Variants in DYNC1I1 observed in about 807,000 individuals in gnomAD.
DYNC1I1 encodes dynein cytoplasmic 1 intermediate chain 1.
DYNC1I1 carries 43 observed loss-of-function variants against 86.6 expected under a neutral mutation model. The observed-to-expected ratio is 0.50, with a 90% CI of 0.39 to 0.64. DYNC1I1 has a LOEUF of 0.64. DYNC1I1 is among the 30% of genes least tolerant of loss of function. DYNC1I1 has a pLI of 0.00. For missense variants in DYNC1I1, 604 were observed against 788.8 expected (o/e 0.77, Z 2.81); for synonymous variants, 262 against 283.7 (o/e 0.92, Z 0.77).
At chr7:95,797,604 G>T (rs182247691) in intron 1 of DYNC1I1, among the ~76,000 whole-genome samples, 1 of 152,148 alleles carries the variant, frequency 6.6e-6, no homozygotes, top group African/African-American at 2.4e-5. Context: ...TCGATTCAAC[G>T]TTTAGGATAG....
chr7:96,054,920 G>C (rs1464313850), intron 14 of DYNC1I1, among the ~76,000 whole-genome samples: 1 of 152,108 alleles, frequency 6.6e-6, no homozygotes, highest in Admixed American at 6.6e-5. Context: ...TAGGCTGCCT[G>C]TTCACTCTGA....
chr7:95,884,367 A>G lies in DYNC1I1; in HGVS notation c.490+14369A>G, dbSNP rs578135153. Among the ~76,000 whole-genome samples, 318 of 152,128 alleles carry G rather than the reference A, an allele frequency of 2.1e-3. 1 individual carries two copies. The highest frequency in any genetic ancestry group is 7.2e-3 in the African/African-American group (297 of 41,494). The stretch of plus-strand genomic sequence containing the variant: ...GCTCACCTCAGCCTCTCAAAATGCT[A>G]GGATTACAGACATGAACCACTATGC... On this transcript the variant is annotated intron_variant, in intron 6 of 16. Coordinates refer to ENST00000447467, the MANE Select transcript of DYNC1I1 (RefSeq NM_001135556.2).
chr7:95,813,206 G>A, intron 3 of DYNC1I1, 41 bp from the exon 4 acceptor site: 1 of 1,610,706 alleles, frequency 6.2e-7, no homozygotes, highest in South Asian at 1.1e-5. Flanking sequence ...TGCAGCCGCT[G>A]CATTTTTTAA....
intron 6 of DYNC1I1, among the ~76,000 whole-genome samples, chr7:95,894,405 G>C (rs1323155961): frequency 6.6e-6 from 1 of 151,110 alleles, no homozygotes; most frequent in Non-Finnish European, 1.5e-5. Context: ...ATCTCCCAAA[G>C]GACCTACATC....
intron 13 of DYNC1I1, 127 bp downstream of exon 13, chr7:96,035,879 C>T: frequency 7.0e-7 from 1 of 1,435,620 alleles, no homozygotes; most frequent in Non-Finnish European, 9.5e-7. Context: ...ACGACTTCAA[C>T]TCTTCATTAT....
At chr7:95,899,949 G>C (rs1790992806) in intron 6 of DYNC1I1, among the ~76,000 whole-genome samples, 2 of 152,170 alleles carry the variant, frequency 1.3e-5, no homozygotes. Context: ...TGCAGAAATA[G>C]TGGTGAATAA....
downstream of DYNC1I1, among the ~76,000 whole-genome samples, chr7:96,100,368 C>CTTCCTTCCTTCT (rs1056971137): frequency 8.5e-5 from 12 of 141,294 alleles, no homozygotes; most frequent in African/African-American, 1.6e-4. Context: ...TCCTTCCTTC[C>CTTCCTTCCTTCT]TTCCTTCCTT....
chr7:96,064,424 C>A (rs1169192732), intron 14 of DYNC1I1, among the ~76,000 whole-genome samples: 1 of 152,158 alleles, frequency 6.6e-6, no homozygotes, highest in Non-Finnish European at 1.5e-5. Context: ...TACTATCCAA[C>A]TCACTAGTGG....
chr7:95,883,436 G>A (rs1430286888), intron 6 of DYNC1I1, among the ~76,000 whole-genome samples: 1 of 152,158 alleles, frequency 6.6e-6, no homozygotes, highest in Non-Finnish European at 1.5e-5. Context: ...CTTCTTGACT[G>A]AATAGAGTTT....
intron 10 of DYNC1I1, among the ~76,000 whole-genome samples, chr7:96,015,245 G>C (rs997095057): frequency 6.6e-6 from 1 of 151,784 alleles, no homozygotes; most frequent in East Asian, 1.9e-4. Flanking sequence ...ACATACATTG[G>C]GTGTACTCTA....
intron 1 of DYNC1I1, among the ~76,000 whole-genome samples, chr7:95,775,910 C>G (rs1023668361): frequency 3.9e-5 from 6 of 152,136 alleles, no homozygotes; most frequent in Non-Finnish European, 8.8e-5. Context: ...TCTCATTTTT[C>G]TTCTTTGCAA....
chr7:95,902,182 A>G lies in DYNC1I1; in HGVS notation c.490+32184A>G, dbSNP rs1003584641. 7.9e-5 allele frequency among the ~76,000 whole-genome samples: 12 copies of G among 152,178 alleles called. 1 individual carries two copies. The highest frequency in any genetic ancestry group is 6.5e-4 in the Admixed American group (10 of 15,270). ...CCCAAAAAATAATTGTTTTTGGTAT[A>G]TGAGCCCAGGAGATAATTGCATGCT... On this transcript the variant is annotated intron_variant, in intron 6 of 16. Coordinates refer to ENST00000447467, the MANE Select transcript of DYNC1I1 (RefSeq NM_001135556.2).
At chr7:95,961,178 C>A (rs1463742962) in intron 6 of DYNC1I1, among the ~76,000 whole-genome samples, 4 of 152,166 alleles carry the variant, frequency 2.6e-5, no homozygotes, top group Non-Finnish European at 5.9e-5. Context: ...GGAATTGGGG[C>A]TTCTCTTGGT....
chr7:95,987,403 T>C (rs1157932422), intron 9 of DYNC1I1, among the ~76,000 whole-genome samples: 1 of 152,192 alleles, frequency 6.6e-6, no homozygotes, highest in African/African-American at 2.4e-5. Flanking sequence ...CCATTAAGAT[T>C]ACCACTGATT....
At chr7:96,046,609 G>A (rs1033982736) in intron 14 of DYNC1I1, among the ~76,000 whole-genome samples, 9 of 152,168 alleles carry the variant, frequency 5.9e-5, no homozygotes, top group South Asian at 2.1e-4. Flanking sequence ...CCACACCATC[G>A]TGTTAAGCCT....
intron 9 of DYNC1I1, among the ~76,000 whole-genome samples, chr7:95,991,163 C>T (rs1422604324): frequency 1.3e-5 from 2 of 152,160 alleles, no homozygotes; most frequent in South Asian, 2.1e-4. Context: ...TCATTAGTTG[C>T]AAAGTGTGAC....
At chr7:95,973,045 G>A (rs1313283984) in intron 6 of DYNC1I1, among the ~76,000 whole-genome samples, 2 of 152,168 alleles carry the variant, frequency 1.3e-5, no homozygotes, top group African/African-American at 4.8e-5. Context: ...ACCTGGATAA[G>A]GGAAGCCATA....
intron 1 of DYNC1I1, among the ~76,000 whole-genome samples, chr7:95,789,662 C>T (rs969439268): frequency 6.6e-6 from 1 of 152,092 alleles, no homozygotes; most frequent in Admixed American, 6.6e-5. Context: ...TGGTAAGTCT[C>T]CTGTGGTAGT....
At chr7:95,791,464 G>C (rs904117696) in intron 1 of DYNC1I1, among the ~76,000 whole-genome samples, 1 of 152,204 alleles carries the variant, frequency 6.6e-6, no homozygotes. Context: ...AGTCTGCCAG[G>C]TTACCTGAGA....
Sources: allele counts gnomAD v4.1 joint callset (sites outside exome capture counted in the v4.1 genomes callset), GRCh38; gene constraint gnomAD v4.1.1; transcripts MANE v1.5; gene names NCBI Gene and HGNC (gene_info 2026-07-23, HGNC 2026-07-21).